MACROD2: variants seen among roughly 807,000 people sequenced by gnomAD.
The protein encoded by MACROD2 is mono-ADP ribosylhydrolase 2.
A neutral mutation model predicts 70.4 loss-of-function variants in MACROD2; 36 were observed. That is an observed-to-expected ratio of 0.51 (90% confidence interval 0.39 to 0.68). The LOEUF is 0.68. Ranked by LOEUF, MACROD2 falls within the 30% of genes least tolerant of loss-of-function variation. MACROD2 has a pLI of 0.00. For missense variants in MACROD2, 496 were observed against 538.4 expected (o/e 0.92, Z 0.78); for synonymous variants, 172 against 178.8 (o/e 0.96, Z 0.30).
chr20:14,060,416 A>G (rs77520851), intron 2 of MACROD2, among the ~76,000 whole-genome samples: 6,400 of 152,188 alleles, frequency 0.042, 311 homozygotes, highest in African/African-American at 0.11. Context: ...TTTGAGGAAC[A>G]TGTTAATTTT....
chr20:15,623,215 A>C, intron 8 of MACROD2, among the ~76,000 whole-genome samples: 1 of 152,210 alleles, frequency 6.6e-6, no homozygotes, highest in East Asian at 1.9e-4. Flanking sequence ...ATTTTTAAAT[A>C]ACTAGAGTTC....
At chr20:14,004,750 A>G (rs1231414416) in intron 2 of MACROD2, among the ~76,000 whole-genome samples, 1 of 152,192 alleles carries the variant, frequency 6.6e-6, no homozygotes, top group Admixed American at 6.5e-5. Context: ...TTGCTTATAC[A>G]TGTATAAGTA....
intron 4 of MACROD2, among the ~76,000 whole-genome samples, chr20:14,643,952 T>A (rs73100693): frequency 0.18 from 27,140 of 152,024 alleles, 3,168 homozygotes; most frequent in Non-Finnish European, 0.25. Flanking sequence ...TAGTTAGTCA[T>A]CTATAACATG....
intron 8 of MACROD2, among the ~76,000 whole-genome samples, chr20:15,820,112 T>G (rs1448748967): frequency 2.6e-5 from 4 of 152,138 alleles, no homozygotes; most frequent in Non-Finnish European, 5.9e-5. Flanking sequence ...AGCGACACTG[T>G]GTGCTGAAGC....
At chr20:14,648,173 C>A (rs769561083) in intron 4 of MACROD2, among the ~76,000 whole-genome samples, 7 of 152,090 alleles carry the variant, frequency 4.6e-5, no homozygotes, top group Non-Finnish European at 7.4e-5. Context: ...AACTCAAAAT[C>A]TTGGCAATGT....
At chr20:14,348,126 C>T (rs142578315) in intron 3 of MACROD2, among the ~76,000 whole-genome samples, 32 of 151,696 alleles carry the variant, frequency 2.1e-4, no homozygotes, top group Non-Finnish European at 3.8e-4. Flanking sequence ...AAACATTAGC[C>T]GGTGTGGTGG....
At chr20:15,395,141 G>A (rs2045844073) in intron 6 of MACROD2, among the ~76,000 whole-genome samples, 1 of 152,166 alleles carries the variant, frequency 6.6e-6, no homozygotes, top group African/African-American at 2.4e-5. Flanking sequence ...TCCTGGAAAA[G>A]ATGTTGTTAA....
At chr20:15,755,154 C>G (rs1226972758) in intron 8 of MACROD2, among the ~76,000 whole-genome samples, 1 of 152,128 alleles carries the variant, frequency 6.6e-6, no homozygotes, top group African/African-American at 2.4e-5. Flanking sequence ...CCACCGCACA[C>G]AGCCAGGAAT....
chr20:14,341,919 A>G (rs1411648389), intron 3 of MACROD2, among the ~76,000 whole-genome samples: 3 of 152,194 alleles, frequency 2.0e-5, no homozygotes, highest in African/African-American at 4.8e-5. Context: ...CTCAGGCTAT[A>G]TACAGTGGAC....
chr20:14,083,136 A>G (rs2054021967), intron 2 of MACROD2, among the ~76,000 whole-genome samples: 1 of 151,960 alleles, frequency 6.6e-6, no homozygotes, highest in South Asian at 2.1e-4. Context: ...AAAAAAAAAA[A>G]AAAAGGTAGT....
intron 3 of MACROD2, among the ~76,000 whole-genome samples, chr20:14,335,668 T>C (rs2082922612): frequency 6.6e-6 from 1 of 152,192 alleles, no homozygotes; most frequent in Non-Finnish European, 1.5e-5. Context: ...ACCCAATTAG[T>C]AACTGGTAGA....
chr20:15,355,606 T>C (rs1233159644), intron 6 of MACROD2, among the ~76,000 whole-genome samples: 2 of 152,194 alleles, frequency 1.3e-5, no homozygotes, highest in Non-Finnish European at 2.9e-5. Flanking sequence ...CCTTGCCCCT[T>C]CTTGGAGATT....
chr20:14,084,703 G>A (rs912301121), intron 2 of MACROD2, among the ~76,000 whole-genome samples: 1 of 151,964 alleles, frequency 6.6e-6, no homozygotes, highest in Non-Finnish European at 1.5e-5. Context: ...GTGTGTTGGG[G>A]TAGAGCTTTC....
intron 3 of MACROD2, among the ~76,000 whole-genome samples, chr20:14,208,354 A>G (rs2081542981): frequency 6.6e-6 from 1 of 152,168 alleles, no homozygotes; most frequent in Non-Finnish European, 1.5e-5. Flanking sequence ...GGGCAAGGCC[A>G]GGGGTTGGCA....
chr20:15,138,540 G>A (rs988498071), intron 5 of MACROD2, among the ~76,000 whole-genome samples: 8 of 152,076 alleles, frequency 5.3e-5, no homozygotes, highest in African/African-American at 1.9e-4. Context: ...AGTCTTATTT[G>A]CTCAGCTAGA....
chr20:15,576,884 G>T (rs2048455623), intron 8 of MACROD2, among the ~76,000 whole-genome samples: 1 of 152,142 alleles, frequency 6.6e-6, no homozygotes, highest in Non-Finnish European at 1.5e-5. Flanking sequence ...GAAGTAGGTG[G>T]TGCTTTGGAA....
At chr20:14,217,712 C>G (rs979459782) in intron 3 of MACROD2, among the ~76,000 whole-genome samples, 3 of 152,088 alleles carry the variant, frequency 2.0e-5, no homozygotes, top group Non-Finnish European at 4.4e-5. Context: ...TTCAGGGTAT[C>G]TAATTCCTCC....
intron 3 of MACROD2, among the ~76,000 whole-genome samples, chr20:14,428,085 C>T (rs566973990): frequency 2.4e-4 from 36 of 152,142 alleles, no homozygotes; most frequent in African/African-American, 8.4e-4. Context: ...AGTCTATAAT[C>T]TCAAATGTAA....
At chr20:14,596,380 G>A (rs990192829) in intron 4 of MACROD2, among the ~76,000 whole-genome samples, 1 of 148,254 alleles carries the variant, frequency 6.7e-6, no homozygotes, top group Admixed American at 6.7e-5. Context: ...GTGAGCCACC[G>A]TGCCCAGCCC....
Sources: allele counts gnomAD v4.1 joint callset (sites outside exome capture counted in the v4.1 genomes callset), GRCh38; gene constraint gnomAD v4.1.1; transcripts MANE v1.5; gene names NCBI Gene and HGNC (gene_info 2026-07-23, HGNC 2026-07-21).